Variants in CDH12 observed in about 807,000 individuals in gnomAD.
The protein encoded by CDH12 is cadherin 12.
A neutral mutation model predicts 74.1 loss-of-function variants in CDH12; 41 were observed. That is an observed-to-expected ratio of 0.55 (90% CI 0.43 to 0.72). The LOEUF (loss-of-function observed/expected upper bound fraction) is 0.72, where lower values mean the gene tolerates loss of function less well. CDH12 is among the 30% of genes least tolerant of loss of function. CDH12 has a pLI of 0.00. For synonymous variants in CDH12, 399 were observed against 355.0 expected, an observed-to-expected ratio of 1.12 and a Z score of -1.39; for missense variants, 945 against 977.2, an observed-to-expected ratio of 0.97 and a Z score of 0.44.
At chr5:21,771,205 T>C (rs893124647) in intron 11 of CDH12, among the ~76,000 whole-genome samples, 1 of 152,050 alleles carries the variant, frequency 6.6e-6, no homozygotes. Flanking sequence ...AGTTTTTTTT[T>C]TTTAAAGTTA....
At chr5:22,213,077 T>C (rs1751633823) in intron 3 of CDH12, among the ~76,000 whole-genome samples, 1 of 152,198 alleles carries the variant, frequency 6.6e-6, no homozygotes, top group Non-Finnish European at 1.5e-5. Flanking sequence ...ATAGAGCTGA[T>C]TTGTAAGACA....
At chr5:22,839,684 G>T (rs149011316) in intron 1 of CDH12, among the ~76,000 whole-genome samples, 2 of 151,852 alleles carry the variant, frequency 1.3e-5, no homozygotes, top group African/African-American at 4.8e-5. Flanking sequence ...TACCCTTCAC[G>T]GTTTATAAAC....
At chr5:22,164,257 C>T (rs1209264138) in intron 4 of CDH12, among the ~76,000 whole-genome samples, 1 of 152,138 alleles carries the variant, frequency 6.6e-6, no homozygotes, top group Non-Finnish European at 1.5e-5. Flanking sequence ...TTGGGCCATG[C>T]AGTGAGTGTT....
At chr5:21,875,396 G>T (rs1419455793) in intron 6 of CDH12, among the ~76,000 whole-genome samples, 8 of 152,156 alleles carry the variant, frequency 5.3e-5, no homozygotes, top group Non-Finnish European at 1.2e-4. Flanking sequence ...CACTTAGTGA[G>T]CCCTCATCAA....
chr5:22,698,407 C>T (rs1163781715), intron 1 of CDH12, among the ~76,000 whole-genome samples: 1 of 151,322 alleles, frequency 6.6e-6, no homozygotes, highest in Non-Finnish European at 1.5e-5. Flanking sequence ...AGGAGTGAGC[C>T]ACCGTGTCTG....
At chr5:22,325,902 C>T (rs1340997792) in intron 3 of CDH12, among the ~76,000 whole-genome samples, 2 of 151,772 alleles carry the variant, frequency 1.3e-5, no homozygotes, top group African/African-American at 4.8e-5. Flanking sequence ...AGGGAGACTC[C>T]GTCTCAGAAC....
intron 6 of CDH12, among the ~76,000 whole-genome samples, chr5:21,915,374 GT>G (rs1467918253): frequency 2.0e-5 from 3 of 152,218 alleles, no homozygotes; most frequent in Admixed American, 6.5e-5. Context: ...GAACTGCAAG[GT>G]TTGACCCATT....
intron 3 of CDH12, among the ~76,000 whole-genome samples, chr5:22,364,239 G>A (rs1295793568): frequency 6.6e-6 from 1 of 152,120 alleles, no homozygotes; most frequent in Non-Finnish European, 1.5e-5. Flanking sequence ...AGTGAGGTTG[G>A]GAGGAAAATA....
At chr5:22,692,583 T>G (rs1287770344) in intron 1 of CDH12, among the ~76,000 whole-genome samples, 1 of 152,200 alleles carries the variant, frequency 6.6e-6, no homozygotes, top group Non-Finnish European at 1.5e-5. Flanking sequence ...ATTAGTTTAG[T>G]TCTTCCTTGG....
intron 1 of CDH12, among the ~76,000 whole-genome samples, chr5:22,769,673 A>G (rs1561018225): frequency 2.0e-5 from 3 of 152,020 alleles, no homozygotes; most frequent in Admixed American, 2.0e-4. Context: ...CCATCCTCCT[A>G]TTAGTTCTAT....
At chr5:22,117,489 T>TAATATATATTATA (rs1491147762) in intron 4 of CDH12, among the ~76,000 whole-genome samples, 28 of 48,582 alleles carry the variant, frequency 5.8e-4, no homozygotes, top group African/African-American at 2.0e-3. Context: ...TATATATATA[T>TAATATATATTATA]TATATATATA....
At chr5:22,201,679 T>A (rs1348528443) in intron 4 of CDH12, among the ~76,000 whole-genome samples, 3 of 151,976 alleles carry the variant, frequency 2.0e-5, no homozygotes, top group African/African-American at 7.2e-5. Flanking sequence ...TACAAAAAAA[T>A]GGGTGTCCAG....
chr5:22,254,371 A>T (rs949411716), intron 3 of CDH12, among the ~76,000 whole-genome samples: 1 of 151,952 alleles, frequency 6.6e-6, no homozygotes, highest in African/African-American at 2.4e-5. Flanking sequence ...AACCACTAGT[A>T]AGCATATTAA....
At chr5:21,949,633 C>A (rs1272090297) in intron 6 of CDH12, among the ~76,000 whole-genome samples, 3 of 151,932 alleles carry the variant, frequency 2.0e-5, no homozygotes, top group Admixed American at 6.6e-5. Context: ...ATCATACTGA[C>A]CCTGTGTAGG....
chr5:21,858,690 A>G (rs1261448523), intron 6 of CDH12, among the ~76,000 whole-genome samples: 1 of 151,836 alleles, frequency 6.6e-6, no homozygotes, highest in African/African-American at 2.4e-5. Flanking sequence ...TGAGAGACCA[A>G]CTCCTGAAAT....
At chr5:22,498,267 T>G (rs977243283) in intron 2 of CDH12, among the ~76,000 whole-genome samples, 2 of 152,166 alleles carry the variant, frequency 1.3e-5, no homozygotes, top group Non-Finnish European at 2.9e-5. Context: ...TTCTATAAAC[T>G]TATTTATACA....
At chr5:22,595,448 T>C (rs946426311) in intron 1 of CDH12, among the ~76,000 whole-genome samples, 2 of 152,184 alleles carry the variant, frequency 1.3e-5, no homozygotes, top group Non-Finnish European at 2.9e-5. Flanking sequence ...CTGAGAACAA[T>C]TTGATCATTA....
At chr5:22,697,481 A>G (rs1463061992) in intron 1 of CDH12, among the ~76,000 whole-genome samples, 1 of 150,334 alleles carries the variant, frequency 6.7e-6, no homozygotes, top group Non-Finnish European at 1.5e-5. Context: ...CTGAGACGGG[A>G]GAATGGCGTG....
At chr5:22,076,910 C>T (rs1229852012) in intron 5 of CDH12, among the ~76,000 whole-genome samples, 1 of 152,070 alleles carries the variant, frequency 6.6e-6, no homozygotes, top group Non-Finnish European at 1.5e-5. Flanking sequence ...TGACATTCTA[C>T]TCAACCTACA....
Sources: gnomAD v4.1 joint callset for allele counts (sites outside exome capture counted in the v4.1 genomes callset) on GRCh38, gnomAD v4.1.1 for gene constraint, MANE v1.5 for transcripts, NCBI Gene and HGNC (gene_info 2026-07-23, HGNC 2026-07-21) for gene names.